The following MTMR9 variants were observed in gnomAD, a reference collection of about 807,000 sequenced individuals.
MTMR9 encodes the protein myotubularin related protein 9, also known as myotubularin-related protein 9.
Under a neutral mutation model 69.5 loss-of-function variants are expected in MTMR9, and 39 were observed. That is an observed-to-expected ratio of 0.56 (90% CI 0.43 to 0.73). MTMR9 has a LOEUF of 0.73. Among genes scored for constraint, MTMR9 ranks in the 30% least tolerant of loss-of-function variants. MTMR9 has a pLI of 0.00. For missense variants in MTMR9, 900 were observed against 671.2 expected (o/e 1.34, Z -3.77); for synonymous variants, 354 against 240.8 (o/e 1.47, Z -4.35).
chr8:11,307,347 C>G (rs887592530), intron 5 of MTMR9, among the ~76,000 whole-genome samples: 1 of 152,338 alleles, frequency 6.6e-6, no homozygotes, highest in East Asian at 1.9e-4. Flanking sequence ...GTTGAAATTA[C>G]AGGCATGAGC....
chr8:11,291,346 C>A (rs1277809098), intron 1 of MTMR9, among the ~76,000 whole-genome samples: 2 of 151,886 alleles, frequency 1.3e-5, no homozygotes, highest in African/African-American at 4.8e-5. Flanking sequence ...ATGCCTTCTA[C>A]CTGAAAAAAC....
downstream of MTMR9, among the ~76,000 whole-genome samples, chr8:11,330,063 G>A (rs1216447138): frequency 6.6e-6 from 1 of 152,030 alleles, no homozygotes; most frequent in Non-Finnish European, 1.5e-5. Context: ...TGGGAAGTGA[G>A]GAGCGTCTCC....
In MTMR9 at chr8:11,328,025, G is replaced by A. The variant is rs183508492; in HGVS notation, c.*5237G>A. 2.0e-5 allele frequency: 3 copies of A among 152,300 alleles called. No homozygotes were observed. The highest frequency in any genetic ancestry group is 1.3e-4 in the Admixed American group (2 of 15,298). The allele number at this position is 152,300 out of a possible 1,614,324, so 9.4% of individuals were successfully genotyped here. On this transcript the variant is annotated 3_prime_UTR_variant, in exon 10 of 10. Transcript: ENST00000221086. Reference sequence around the variant, plus strand: ...CTTGTCGAATGTGGTACTGTTCTTAGTGTGTAATATTTGCGTATGGTGTTC... The same window carrying A: ...CTTGTCGAATGTGGTACTGTTCTTAATGTGTAATATTTGCGTATGGTGTTC...
At chr8:11,307,635 A>G (rs1351095810) in intron 5 of MTMR9, among the ~76,000 whole-genome samples, 1 of 152,220 alleles carries the variant, frequency 6.6e-6, no homozygotes, top group African/African-American at 2.4e-5. Context: ...TGTTTTCCAC[A>G]GTGGCCATAC....
At chr8:11,285,796 C>G (rs1053679370) in intron 1 of MTMR9, among the ~76,000 whole-genome samples, 7 of 152,262 alleles carry the variant, frequency 4.6e-5, no homozygotes, top group African/African-American at 1.4e-4. Flanking sequence ...AGTGGCTACT[C>G]GCTAGCCAGG....
chr8:11,308,360 ATTTCTGGGTTTT>A (rs1800052000), intron 5 of MTMR9, among the ~76,000 whole-genome samples: 1 of 152,074 alleles, frequency 6.6e-6, no homozygotes, highest in African/African-American at 2.4e-5. Flanking sequence ...GCATGGATTT[ATTTCTGGGTTTT>A]ATTCTGTTCC....
chr8:11,314,936 A>T lies in MTMR9; in HGVS notation c.985A>T (p.Ile329Leu). The T allele has an allele frequency of 6.2e-7, 1 of 1,613,882 alleles. No homozygotes were observed. The highest frequency in any genetic ancestry group is 2.2e-5 in the East Asian group (1 of 44,872). ...AQCIDREGAS[I>L]LIHGTEGTDS... ...TTTTCCTATCAGGGAAGGAGCATCA[A>T]TATTGATTCACGGAACAGAAGGAAC... The change falls in exon 7 of 10, where the codon ATA becomes TTA. Residue 329 changes from isoleucine to leucine, a missense_variant. Transcript: ENST00000221086.
chr8:11,285,587 C>T (rs537613189), intron 1 of MTMR9, among the ~76,000 whole-genome samples: 4 of 152,278 alleles, frequency 2.6e-5, no homozygotes, highest in Admixed American at 6.5e-5. Flanking sequence ...AAATTTAATT[C>T]TCACTAAGGG....
intron 2 of MTMR9, among the ~76,000 whole-genome samples, chr8:11,296,544 C>T (rs967706884): frequency 1.3e-5 from 2 of 152,158 alleles, no homozygotes; most frequent in African/African-American, 2.4e-5. Context: ...CCATTTTCCC[C>T]TCTCTCCAGC....
chr8:11,309,152 C>G (rs559904977), intron 5 of MTMR9, among the ~76,000 whole-genome samples: 1 of 152,120 alleles, frequency 6.6e-6, no homozygotes, highest in Non-Finnish European at 1.5e-5. Flanking sequence ...TTGGGTAAGG[C>G]TGCTGATGGC....
downstream of MTMR9, chr8:11,332,120 G>A (rs146615673): frequency 8.1e-6 from 13 of 1,610,638 alleles, no homozygotes; most frequent in Admixed American, 1.7e-5. Context: ...AGGTGGAGGA[G>A]TGAGATAGAA....
At chr8:11,307,442 T>C (rs557938300) in intron 5 of MTMR9, among the ~76,000 whole-genome samples, 14 of 152,350 alleles carry the variant, frequency 9.2e-5, no homozygotes, top group African/African-American at 2.9e-4. Context: ...CATTCATCCA[T>C]TGACGTGCAT....
At chr8:11,297,651 G>A (rs1259626129) in intron 2 of MTMR9, among the ~76,000 whole-genome samples, 1 of 151,928 alleles carries the variant, frequency 6.6e-6, no homozygotes, top group Non-Finnish European at 1.5e-5. Flanking sequence ...TGCTGCCTGT[G>A]GTGAGGCACA....
At chr8:11,285,702 G>C (rs186156993) in intron 1 of MTMR9, among the ~76,000 whole-genome samples, 1 of 151,826 alleles carries the variant, frequency 6.6e-6, no homozygotes, top group Non-Finnish European at 1.5e-5. Context: ...TTTTCTTTTT[G>C]TACTCCAGAC....
chr8:11,305,345 A>G (rs542131173), intron 4 of MTMR9, among the ~76,000 whole-genome samples: 2 of 152,342 alleles, frequency 1.3e-5, no homozygotes, highest in Admixed American at 1.3e-4. Flanking sequence ...TCTGTTCAGA[A>G]TAATGGTAAA....
chr8:11,290,005 A>C (rs1183382689), intron 1 of MTMR9, among the ~76,000 whole-genome samples: 1 of 152,162 alleles, frequency 6.6e-6, no homozygotes, highest in African/African-American at 2.4e-5. Context: ...ATGGCGCCAT[A>C]AAGTAGGTGC....
chr8:11,337,451 G>A, the MTMR9 span, among the ~76,000 whole-genome samples: 1 of 152,156 alleles, frequency 6.6e-6, no homozygotes, highest in African/African-American at 2.4e-5. Context: ...CTGAATTTTT[G>A]TGGGGTTTTT....
At chr8:11,304,795 G>A (rs769773960) in intron 3 of MTMR9, 46 bp from the exon 4 acceptor site, 18 of 1,577,200 alleles carry the variant, frequency 1.1e-5, no homozygotes, top group Middle Eastern at 3.4e-4. Context: ...ATTATTTTGC[G>A]ACATTGAGAT....
At chr8:11,312,296 T>C (rs550316463) in intron 6 of MTMR9, among the ~76,000 whole-genome samples, 1 of 152,162 alleles carries the variant, frequency 6.6e-6, no homozygotes, top group African/African-American at 2.4e-5. Context: ...ACAATCCTCC[T>C]GCCTCAGCCT....
Sources: allele counts gnomAD v4.1 joint callset (sites outside exome capture counted in the v4.1 genomes callset), GRCh38; gene constraint gnomAD v4.1.1; transcripts MANE v1.5; gene names NCBI Gene and HGNC (gene_info 2026-07-23, HGNC 2026-07-21).